CADM2: variants seen among roughly 807,000 people sequenced by gnomAD.
CADM2 encodes cell adhesion molecule 2.
In CADM2, 12 loss-of-function variants were observed where a neutral mutation model predicts 49.8. The observed-to-expected ratio is 0.24, with a 90% CI of 0.15 to 0.39. The LOEUF is 0.39. Among genes scored for constraint, CADM2 ranks in the 10% least tolerant of loss-of-function variants. The pLI is 1.00. For synonymous variants in CADM2, 214 were observed against 175.4 expected, an observed-to-expected ratio of 1.22 and a Z score of -1.74; for missense variants, 378 against 492.3, an observed-to-expected ratio of 0.77 and a Z score of 2.20.
rs189737940 is a variant in CADM2 at position 85,563,195 on chromosome 3, T to G, written c.62-163327T>G. Among the ~76,000 whole-genome samples, 341 of 152,086 alleles carry G rather than the reference T, an allele frequency of 2.2e-3. 2 individuals carry two copies. Among genetic ancestry groups the G allele is most frequent in the African/African-American group, 7.9e-3 (328 of 41,494 alleles). ...TGTTGGAGTTAACAGAGGAACAGAGTCACATAAAGTTCACTCAAATAGCAG... is the reference window on the plus strand; with the variant it reads ...TGTTGGAGTTAACAGAGGAACAGAGGCACATAAAGTTCACTCAAATAGCAG... On this transcript the variant is annotated intron_variant, in intron 1 of 9. Transcript: ENST00000383699.
intron 2 of CADM2, among the ~76,000 whole-genome samples, chr3:85,751,827 A>G (rs900346331): frequency 1.3e-5 from 2 of 152,152 alleles, no homozygotes; most frequent in African/African-American, 4.8e-5. Context: ...ATGTTTGTAA[A>G]GATCATCTCA....
chr3:85,287,991 A>G (rs1011907439), intron 1 of CADM2, among the ~76,000 whole-genome samples: 15 of 151,844 alleles, frequency 9.9e-5, no homozygotes, highest in Non-Finnish European at 1.9e-4. Context: ...AGATATACCT[A>G]ATGTAAATGA....
chr3:85,776,059 C>A lies in CADM2; in HGVS notation c.89-25988C>A, dbSNP rs985546965. On this transcript the variant is annotated intron_variant, in intron 2 of 9. Coordinates refer to ENST00000383699, the MANE Select transcript of CADM2 (RefSeq NM_001167675.2). ...AGCAATTAAAAATATCTGTGAATTT[C>A]TCTTGGGGGTTATAATGAGAATATA... is the stretch of plus-strand genomic sequence containing the variant. Among the ~76,000 whole-genome samples the A allele has an allele frequency of 9.2e-5, 14 of 151,514 alleles. 1 individual carries two copies. The highest frequency in any genetic ancestry group is 3.4e-4 in the African/African-American group (14 of 41,318).
rs1559791921 is a variant in CADM2 at position 85,999,275 on chromosome 3, G to GGA, written c.970+37629_970+37630insAG. Among the ~76,000 whole-genome samples, 4 of 151,392 alleles carry GGA rather than the reference G, an allele frequency of 2.6e-5. No homozygotes were observed. The East Asian group carries it at 5.9e-4, about 22-fold the overall frequency. ...TCACTTTGGGAGGCCGAGGGTTGGG[G>GGA]GGTGGATCACTTGAGTTCAGGAGTT... On this transcript the variant is annotated intron_variant, in intron 8 of 9. Coordinates refer to ENST00000383699, the MANE Select transcript of CADM2 (RefSeq NM_001167675.2).
At position 85,230,059 on chromosome 3, in the gene CADM2, T is replaced by A. The variant is rs569799520; in HGVS notation, c.61+270391T>A. On this transcript the variant is annotated intron_variant, in intron 1 of 9. Coordinates refer to ENST00000383699, the MANE Select transcript of CADM2 (RefSeq NM_001167675.2). Reference sequence around the variant, plus strand: ...GATCACTGACTCTAATGCTGGGAAATCAACTGACTGGCACTGGCAGGAATT... The same window carrying A: ...GATCACTGACTCTAATGCTGGGAAAACAACTGACTGGCACTGGCAGGAATT... Among the ~76,000 whole-genome samples, 3 of 152,268 alleles carry A rather than the reference T, an allele frequency of 2.0e-5. No individual in the cohort carries two copies. In the South Asian group the frequency reaches 6.2e-4, roughly 32 times the overall value.
At chr3:85,309,494 G>T (rs2044292111) in intron 1 of CADM2, among the ~76,000 whole-genome samples, 1 of 152,110 alleles carries the variant, frequency 6.6e-6, no homozygotes, top group African/African-American at 2.4e-5. Context: ...TCATGAGATT[G>T]CTGGGATATT....
intron 1 of CADM2, among the ~76,000 whole-genome samples, chr3:85,601,173 T>TATACACACAC (rs1469920736): frequency 6.0e-5 from 6 of 99,428 alleles, no homozygotes; most frequent in African/African-American, 2.4e-4. Context: ...TATATATATA[T>TATACACACAC]ACACACACAC....
chr3:85,860,998 T>A (rs1205501976), intron 3 of CADM2, among the ~76,000 whole-genome samples: 1 of 151,966 alleles, frequency 6.6e-6, no homozygotes, highest in East Asian at 1.9e-4. Flanking sequence ...TGACATGAGG[T>A]CACAGAAGTG....
At position 86,035,247 on chromosome 3, in the gene CADM2, A is replaced by G. The variant is rs111991623; in HGVS notation, c.971-30358A>G. On this transcript the variant is annotated intron_variant, in intron 8 of 9. Coordinates refer to ENST00000383699, the MANE Select transcript of CADM2 (RefSeq NM_001167675.2). ...CTCTCTTGAACCTGAGACTTTTCACATGTGGCTCTCTCAGATATTAATCAT... is the reference window on the plus strand; with the variant it reads ...CTCTCTTGAACCTGAGACTTTTCACGTGTGGCTCTCTCAGATATTAATCAT... Among the ~76,000 whole-genome samples, 885 of 152,146 alleles carry G rather than the reference A, an allele frequency of 5.8e-3. 7 individuals carry two copies. The highest frequency in any genetic ancestry group is 0.02 in the African/African-American group (819 of 41,532).
At chr3:85,900,754 G>A (rs12633520) in intron 5 of CADM2, among the ~76,000 whole-genome samples, 48,772 of 151,912 alleles carry the variant, frequency 0.32, 8,981 homozygotes, top group East Asian at 0.42. Context: ...GCTCTCATCC[G>A]GTGATGGAGG....
intron 1 of CADM2, among the ~76,000 whole-genome samples, chr3:85,150,832 C>A (rs952819923): frequency 6.6e-6 from 1 of 151,750 alleles, no homozygotes; most frequent in Non-Finnish European, 1.5e-5. Flanking sequence ...TGTCTTCAAC[C>A]CAAGAGGCAG....
intron 1 of CADM2, among the ~76,000 whole-genome samples, chr3:85,142,339 C>T (rs138287274): frequency 8.9e-4 from 136 of 152,194 alleles, no homozygotes; most frequent in Middle Eastern, 3.4e-3. Context: ...AGTTAAAATA[C>T]GTCATATCTT....
At chr3:86,053,977 A>G (rs1737628210) in intron 8 of CADM2, among the ~76,000 whole-genome samples, 1 of 152,004 alleles carries the variant, frequency 6.6e-6, no homozygotes, top group Non-Finnish European at 1.5e-5. Flanking sequence ...ATCCTGTTTA[A>G]TAGATGTGAA....
intron 3 of CADM2, among the ~76,000 whole-genome samples, chr3:85,808,309 C>A (rs1047810514): frequency 2.6e-5 from 4 of 152,124 alleles, no homozygotes; most frequent in Admixed American, 2.6e-4. Flanking sequence ...TCTTCTCTTT[C>A]TTTTTACATA....
chr3:85,614,796 G>C (rs1408295834), intron 1 of CADM2, among the ~76,000 whole-genome samples: 1 of 151,962 alleles, frequency 6.6e-6, no homozygotes, highest in African/African-American at 2.4e-5. Flanking sequence ...TTGAAAATTT[G>C]TGTGGATTTG....
At chr3:85,297,726 A>G (rs1310334813) in intron 1 of CADM2, among the ~76,000 whole-genome samples, 1 of 152,052 alleles carries the variant, frequency 6.6e-6, no homozygotes, top group South Asian at 2.1e-4. Flanking sequence ...AGTTCTGCAT[A>G]GAAACCTACA....
intron 1 of CADM2, among the ~76,000 whole-genome samples, chr3:85,307,794 C>G (rs4856563): frequency 4.0e-5 from 6 of 151,440 alleles, no homozygotes; most frequent in Non-Finnish European, 7.4e-5. Context: ...TTATTGAGCT[C>G]AAATGAACTA....
intron 3 of CADM2, among the ~76,000 whole-genome samples, chr3:85,859,146 G>A (rs1678801785): frequency 6.8e-6 from 1 of 146,880 alleles, no homozygotes; most frequent in African/African-American, 2.5e-5. Context: ...TAACCCTATT[G>A]TCATTTTAGT....
chr3:85,019,109 T>C (rs1478241430), intron 1 of CADM2, among the ~76,000 whole-genome samples: 2 of 152,168 alleles, frequency 1.3e-5, no homozygotes, highest in Non-Finnish European at 2.9e-5. Flanking sequence ...AAATATAATA[T>C]GGACAAGAAG....
Sources: gnomAD v4.1 joint callset for allele counts (sites outside exome capture counted in the v4.1 genomes callset) on GRCh38, gnomAD v4.1.1 for gene constraint, MANE v1.5 for transcripts, NCBI Gene and HGNC (gene_info 2026-07-23, HGNC 2026-07-21) for gene names.